NELL2: variants seen among roughly 807,000 people sequenced by gnomAD.
The protein encoded by NELL2 is neural EGFL like 2.
In NELL2, 41 loss-of-function variants were observed where a neutral mutation model predicts 109.6. The ratio of observed to expected loss-of-function variants is 0.37; its 90% CI spans 0.29 to 0.49. The LOEUF is 0.49. NELL2 is among the 20% of genes least tolerant of loss of function. The pLI, the probability that NELL2 is intolerant of heterozygous loss-of-function variation, is 0.98. For missense variants in NELL2, 900 were observed against 1,008.3 expected (o/e 0.89, Z 1.45); for synonymous variants, 355 against 344.7 (o/e 1.03, Z -0.33).
chr12:44,642,247 A>G (rs757406197), intron 13 of NELL2, among the ~76,000 whole-genome samples: 6 of 152,208 alleles, frequency 3.9e-5, no homozygotes, highest in Non-Finnish European at 8.8e-5. Flanking sequence ...ATCCAAACTG[A>G]AAAAGATGTT....
chr12:44,845,861 C>T (rs1273858535), intron 2 of NELL2, among the ~76,000 whole-genome samples: 3 of 152,180 alleles, frequency 2.0e-5, no homozygotes, highest in Admixed American at 6.5e-5. Context: ...TTTACCTCCA[C>T]TTCCAGGGAA....
chr12:44,617,914 C>T (rs949598195), intron 13 of NELL2, among the ~76,000 whole-genome samples: 1 of 151,910 alleles, frequency 6.6e-6, no homozygotes, highest in African/African-American at 2.4e-5. Context: ...GTTTGTTCTC[C>T]TCACAATCTT....
intron 2 of NELL2, among the ~76,000 whole-genome samples, chr12:44,819,748 C>G (rs1943478268): frequency 6.6e-6 from 1 of 152,186 alleles, no homozygotes; most frequent in Non-Finnish European, 1.5e-5. Flanking sequence ...TTTGCTACCT[C>G]TATGGGGATG....
chr12:44,666,898 A>G (rs1947942854), intron 12 of NELL2, among the ~76,000 whole-genome samples: 1 of 151,990 alleles, frequency 6.6e-6, no homozygotes. Context: ...TTTCTTACCT[A>G]TCATCCTTTA....
intron 2 of NELL2, among the ~76,000 whole-genome samples, chr12:44,847,232 T>C (rs1373313518): frequency 6.6e-6 from 1 of 152,216 alleles, no homozygotes; most frequent in Non-Finnish European, 1.5e-5. Context: ...GCAAACAGGA[T>C]TAAAAGTAGA....
intron 13 of NELL2, among the ~76,000 whole-genome samples, chr12:44,645,277 C>T (rs1181846021): frequency 6.6e-6 from 1 of 152,078 alleles, no homozygotes; most frequent in Admixed American, 6.6e-5. Flanking sequence ...CAATTTTTTA[C>T]TTTTAAATTA....
At chr12:44,819,764 G>T (rs1943479177) in intron 2 of NELL2, among the ~76,000 whole-genome samples, 1 of 152,152 alleles carries the variant, frequency 6.6e-6, no homozygotes, top group Non-Finnish European at 1.5e-5. Flanking sequence ...GGATGGGATG[G>T]CTTGCAGGAA....
intron 2 of NELL2, among the ~76,000 whole-genome samples, chr12:44,864,222 T>C (rs547924829): frequency 6.6e-6 from 1 of 152,264 alleles, no homozygotes. Context: ...CTATCAATAG[T>C]TACCCTGAAA....
chr12:44,762,606 T>C (rs1272998966), intron 9 of NELL2, among the ~76,000 whole-genome samples: 2 of 152,208 alleles, frequency 1.3e-5, no homozygotes, highest in African/African-American at 4.8e-5. Context: ...ACTCATAGTA[T>C]GACTCTCTGC....
chr12:44,667,449 C>T (rs1387478074), intron 12 of NELL2, among the ~76,000 whole-genome samples: 1 of 152,140 alleles, frequency 6.6e-6, no homozygotes, highest in Non-Finnish European at 1.5e-5. Flanking sequence ...AATTAATGAA[C>T]TTGGCAGTGT....
At chr12:44,590,813 A>C (rs1462115243) in intron 15 of NELL2, among the ~76,000 whole-genome samples, 1 of 152,278 alleles carries the variant, frequency 6.6e-6, no homozygotes, top group East Asian at 1.9e-4. Context: ...CAAAGGAAAC[A>C]ATCAAGGGAG....
chr12:44,690,278 C>T (rs1948858885), intron 12 of NELL2, among the ~76,000 whole-genome samples: 1 of 152,022 alleles, frequency 6.6e-6, no homozygotes, highest in Non-Finnish European at 1.5e-5. Context: ...CACTAAAATT[C>T]CTCTCCAGTT....
intron 9 of NELL2, among the ~76,000 whole-genome samples, chr12:44,767,000 T>C (rs1335439394): frequency 6.6e-6 from 1 of 152,152 alleles, no homozygotes; most frequent in Non-Finnish European, 1.5e-5. Flanking sequence ...AGAAGCTGAG[T>C]ACTGTCTATT....
intron 3 of NELL2, among the ~76,000 whole-genome samples, chr12:44,783,491 T>C (rs1000368999): frequency 7.3e-5 from 11 of 151,600 alleles, no homozygotes; most frequent in Admixed American, 6.6e-4. Flanking sequence ...AGAAAAGATA[T>C]CAATATTAAG....
chr12:44,538,693 A>T (rs1942402747), intron 15 of NELL2, among the ~76,000 whole-genome samples: 1 of 152,188 alleles, frequency 6.6e-6, no homozygotes, highest in South Asian at 2.1e-4. Flanking sequence ...GGTTATAAAC[A>T]TTTCAACTCG....
intron 9 of NELL2, among the ~76,000 whole-genome samples, chr12:44,739,915 A>G (rs1219681123): frequency 6.6e-6 from 1 of 152,132 alleles, no homozygotes. Flanking sequence ...CAAAAAAAAC[A>G]TGGTTTTATT....
intron 2 of NELL2, among the ~76,000 whole-genome samples, chr12:44,856,260 C>T (rs1178000013): frequency 2.6e-5 from 4 of 152,220 alleles, no homozygotes; most frequent in African/African-American, 7.2e-5. Flanking sequence ...AAATTCCTTC[C>T]TCTCCTATGC....
intron 12 of NELL2, among the ~76,000 whole-genome samples, chr12:44,684,536 C>A (rs1948646130): frequency 6.6e-6 from 1 of 152,108 alleles, no homozygotes; most frequent in Non-Finnish European, 1.5e-5. Context: ...ATCTTTCCTG[C>A]TTTCTCTTGT....
intron 2 of NELL2, among the ~76,000 whole-genome samples, chr12:44,870,856 C>G (rs1043050583): frequency 6.6e-6 from 1 of 152,120 alleles, no homozygotes; most frequent in Non-Finnish European, 1.5e-5. Context: ...TGCTGTATAA[C>G]GTAACCTATT....
Sources: gnomAD v4.1 joint callset for allele counts (sites outside exome capture counted in the v4.1 genomes callset) on GRCh38, gnomAD v4.1.1 for gene constraint, MANE v1.5 for transcripts, NCBI Gene and HGNC (gene_info 2026-07-23, HGNC 2026-07-21) for gene names.